Variants in WDR35 observed in about 807,000 individuals in gnomAD.
WDR35 encodes the protein WD repeat-containing protein 35.
WDR35 carries 118 observed loss-of-function variants against 158.3 expected under a neutral mutation model. That is an observed-to-expected ratio of 0.75 (90% CI 0.64 to 0.87). WDR35 has a LOEUF of 0.87. Among genes scored for constraint, WDR35 ranks in the 40% least tolerant of loss-of-function variants. The pLI, the probability that WDR35 is intolerant of heterozygous loss-of-function variation, is 0.00. For missense variants in WDR35, 1,263 were observed against 1,405.8 expected (o/e 0.90, Z 1.62); for synonymous variants, 448 against 476.1 (o/e 0.94, Z 0.77).
chr2:19,952,756 C>CA (rs1220632135), intron 12 of WDR35, among the ~76,000 whole-genome samples: 2 of 150,796 alleles, frequency 1.3e-5, no homozygotes, highest in East Asian at 3.9e-4. Flanking sequence ...TTCCTGCCTC[C>CA]ACATGAATTC....
chr2:19,968,078 G>C (rs1671914174), intron 9 of WDR35, among the ~76,000 whole-genome samples: 2 of 152,090 alleles, frequency 1.3e-5, no homozygotes, highest in African/African-American at 2.4e-5. Context: ...GTATTTTGTA[G>C]ATTGTCCCTC....
chr2:19,924,267 T>C (rs1670284451), intron 25 of WDR35, among the ~76,000 whole-genome samples: 1 of 152,218 alleles, frequency 6.6e-6, no homozygotes, highest in African/African-American at 2.4e-5. Flanking sequence ...AGGAGTCTCT[T>C]AAAAAGGTGA....
In WDR35 at chr2:19,913,586, C is replaced by A; in HGVS notation, c.3485G>T (p.Cys1162Phe). 1 of 1,613,984 alleles carries A rather than the reference C, an allele frequency of 6.2e-7. No homozygotes were observed. Among genetic ancestry groups the A allele is most frequent in the Non-Finnish European group, 8.5e-7 (1 of 1,179,948 alleles). Residue 1162 changes from cysteine (C) to phenylalanine (F), a missense_variant, in exon 27 of 27, where the codon TGC becomes TTC. Transcript: ENST00000281405. ...LAQEISHYSF[C>F]PLCHSPVG ...TCCCACTGGACTATGGCATAAGGGGCAGAAGCTGTAGTGGCTTATTTCCTG... is the reference window on the plus strand; with the variant it reads ...TCCCACTGGACTATGGCATAAGGGGAAGAAGCTGTAGTGGCTTATTTCCTG...
intron 17 of WDR35, among the ~76,000 whole-genome samples, chr2:19,939,380 T>C (rs776729867): frequency 6.6e-6 from 1 of 152,152 alleles, no homozygotes; most frequent in Non-Finnish European, 1.5e-5. Flanking sequence ...AAGACAATAC[T>C]ATTAAAAATT....
chr2:19,916,816 C>T (rs1189050002), intron 25 of WDR35, among the ~76,000 whole-genome samples: 1 of 152,204 alleles, frequency 6.6e-6, no homozygotes, highest in Admixed American at 6.5e-5. Context: ...CAGACTTAAA[C>T]GTCCCTACCT....
At chr2:19,973,731 G>A (rs767751222) in intron 7 of WDR35, 23 bp from the exon 8 acceptor site, 2 of 1,603,880 alleles carry the variant, frequency 1.2e-6, no homozygotes, top group Non-Finnish European at 1.7e-6. Flanking sequence ...AGAAAAATGA[G>A]GTCACTGTGG....
intron 13 of WDR35, 96 bp downstream of exon 13, chr2:19,951,319 C>A: frequency 9.2e-7 from 1 of 1,089,008 alleles, no homozygotes; most frequent in South Asian, 1.5e-5. Flanking sequence ...ATATCCTATT[C>A]ACTGGAAACA....
chr2:19,971,459 T>C (rs542130041), intron 8 of WDR35, among the ~76,000 whole-genome samples: 4 of 152,326 alleles, frequency 2.6e-5, no homozygotes, highest in African/African-American at 9.6e-5. Flanking sequence ...CATGAAATTA[T>C]GCAGCAGAAA....
At position 19,951,463 on chromosome 2, in the gene WDR35, G is replaced by A; in HGVS notation, c.1422C>T (p.Thr474=). 3 of 1,610,124 alleles carry A rather than the reference G, an allele frequency of 1.9e-6. No individual in the cohort carries two copies. The highest frequency in any genetic ancestry group is 2.2e-5 in the East Asian group (1 of 44,678). ...GRERIYHVDD[T]PSGSMDGVLD... is the part of the protein sequence containing the mutation. ...GCACACCATCCATTGATCCAGAAGGGGTATCATCAACATGATAAATTCTGC... is the reference window on the plus strand; with the variant it reads ...GCACACCATCCATTGATCCAGAAGGAGTATCATCAACATGATAAATTCTGC... The change falls in exon 13 of 27, where the codon ACC becomes ACT. Residue 474 remains threonine (T), a synonymous_variant. Coordinates refer to ENST00000281405, the MANE Select transcript of WDR35 (RefSeq NM_020779.4).
At chr2:19,957,740 A>G (rs1330022395) in intron 11 of WDR35, among the ~76,000 whole-genome samples, 1 of 152,042 alleles carries the variant, frequency 6.6e-6, no homozygotes, top group African/African-American at 2.4e-5. Context: ...TTTAGTAGAG[A>G]TGGGGTTTTG....
intron 11 of WDR35, among the ~76,000 whole-genome samples, chr2:19,960,006 G>A (rs773500559): frequency 6.6e-6 from 1 of 151,952 alleles, no homozygotes; most frequent in East Asian, 1.9e-4. Context: ...TAAATCTAAA[G>A]TAACAAAAGT....
chr2:19,913,889 C>A, intron 26 of WDR35, 148 bp downstream of exon 26: 1 of 1,405,802 alleles, frequency 7.1e-7, no homozygotes, highest in Non-Finnish European at 9.6e-7. Context: ...AGCATGAATA[C>A]ACTTGTAAAA....
At position 19,975,523 on chromosome 2, in the gene WDR35, T is replaced by C. The variant is rs1340132827; in HGVS notation, c.570+7A>G. On this transcript the variant is annotated splice_region_variant and intron_variant, in intron 6 of 26. Transcript: ENST00000281405. Reference sequence around the variant, plus strand: ...TATAAACAAGACTGATGCATACACTTACTTACCATAAAATTTCCTTGATTA... The same window carrying C: ...TATAAACAAGACTGATGCATACACTCACTTACCATAAAATTTCCTTGATTA... The C allele has an allele frequency of 3.1e-6, 5 of 1,611,112 alleles. No individual in the cohort carries two copies. The highest frequency in any genetic ancestry group is 2.2e-5 in the East Asian group (1 of 44,794).
intron 25 of WDR35, among the ~76,000 whole-genome samples, chr2:19,922,025 T>C (rs1405556260): frequency 6.6e-6 from 1 of 152,180 alleles, no homozygotes; most frequent in Non-Finnish European, 1.5e-5. Context: ...TGAGATACCA[T>C]CTCACACCAG....
rs1490771127 is a variant in WDR35 at position 19,930,540 on chromosome 2, AG to A, written c.2976del (p.Leu993TrpfsTer46). On this transcript the variant is annotated frameshift_variant, in exon 25 of 27. Coordinates refer to ENST00000281405, the MANE Select transcript of WDR35 (RefSeq NM_020779.4). LOFTEE classifies it high-confidence loss of function. ...ACTTCTTCTTCCAGCAAACCAGCCA[AG>A]GCAGAAGTGGCCTACGAGTAAAGTC... is the stretch of plus-strand genomic sequence containing the variant. ...VKGKSSEATS[A>X]LAGLLEEEVL... 2.5e-6 allele frequency: 4 copies of A among 1,614,030 alleles called. No individual in the cohort carries two copies. The highest frequency in any genetic ancestry group is 3.4e-6 in the Non-Finnish European group (4 of 1,180,030).
At chr2:19,943,311 G>C (rs1305590553) in intron 16 of WDR35, among the ~76,000 whole-genome samples, 1 of 152,010 alleles carries the variant, frequency 6.6e-6, no homozygotes, top group Non-Finnish European at 1.5e-5. Context: ...CAGCTAAAAG[G>C]TCAAAGTTAT....
chr2:19,954,315 T>G (rs938135838), intron 11 of WDR35, among the ~76,000 whole-genome samples: 1 of 152,146 alleles, frequency 6.6e-6, no homozygotes, highest in East Asian at 1.9e-4. Context: ...AAAGAAAAAT[T>G]AGATAAATTA....
At chr2:19,985,899 G>GA (rs70939024) in intron 2 of WDR35, among the ~76,000 whole-genome samples, 20,606 of 69,794 alleles carry the variant, frequency 0.3, 6,150 homozygotes, top group Non-Finnish European at 0.41. Context: ...CCCATCTCGG[G>GA]AAAAAAAAAA....
In WDR35 at chr2:19,918,363, T is replaced by C. The variant is rs1054990958; in HGVS notation, c.3122-4086A>G. Among the ~76,000 whole-genome samples, 7 of 152,284 alleles carry C rather than the reference T, an allele frequency of 4.6e-5. No homozygotes were observed. The East Asian group carries it at 1.3e-3, about 29-fold the overall frequency. ...CAGACAGAATAACCAGCTAGCATCATAATGTCAGGATCAAATTCACACATA... is the reference window on the plus strand; with the variant it reads ...CAGACAGAATAACCAGCTAGCATCACAATGTCAGGATCAAATTCACACATA... On this transcript the variant is annotated intron_variant, in intron 25 of 26. Transcript: ENST00000281405.
Sources: gnomAD v4.1 joint callset for allele counts (sites outside exome capture counted in the v4.1 genomes callset) on GRCh38, gnomAD v4.1.1 for gene constraint, MANE v1.5 for transcripts, NCBI Gene and HGNC (gene_info 2026-07-23, HGNC 2026-07-21) for gene names.